Variants in ZNF775 observed in about 807,000 individuals in gnomAD.
ZNF775 encodes the protein zinc finger protein 775.
Under a neutral mutation model 2.4 loss-of-function variants are expected in ZNF775, and 1 was observed. The observed-to-expected ratio is 0.41, with a 90% confidence interval of 0.15 to 1.94. The LOEUF (loss-of-function observed/expected upper bound fraction) is 1.94, where lower values mean the gene tolerates loss of function less well. Among genes scored for constraint, ZNF775 ranks in the 30% most tolerant of loss-of-function variants. The pLI is 0.30. For missense variants in ZNF775, 823 were observed against 826.6 expected, an observed-to-expected ratio of 1.00 and a Z score of 0.05; for synonymous variants, 381 against 373.3, an observed-to-expected ratio of 1.02 and a Z score of -0.24.
At chr7:150,389,058 G>A (rs537216572) in intron 2 of ZNF775, among the ~76,000 whole-genome samples, 12 of 152,352 alleles carry the variant, frequency 7.9e-5, no homozygotes, top group Non-Finnish European at 1.2e-4. Flanking sequence ...GCGTCCCTGC[G>A]CCTGGAGTGG....
Position 150,397,480 on chromosome 7 carries a change from C to T in ZNF775, c.999C>T (p.Gly333=), listed in dbSNP as rs535894219. 1.8e-5 allele frequency: 28 copies of T among 1,589,002 alleles called. No homozygotes were observed. The East Asian group carries it at 3.8e-4, about 22-fold the overall frequency. ...NLTRHLRNHT[G]ERPHPCPHCG... is the part of the protein sequence containing the mutation. ...CGCGGCACCTGCGCAACCACACAGG[C>T]GAGCGCCCGCACCCCTGCCCGCACT... The change falls in exon 3 of 3, where the codon GGC becomes GGT. Residue 333 remains glycine, a synonymous_variant. Coordinates refer to ENST00000329630, the MANE Select transcript of ZNF775 (RefSeq NM_173680.4).
At position 150,397,581 on chromosome 7, in the gene ZNF775, C is replaced by A; in HGVS notation, c.1100C>A (p.Pro367His). Residue 367 changes from proline (P) to histidine (H), a missense_variant, in exon 3 of 3, where the codon CCC becomes CAC. Pro to His is a moderately conservative substitution (Grantham distance 77, BLOSUM62 -2). Coordinates refer to ENST00000329630, the MANE Select transcript of ZNF775 (RefSeq NM_173680.4). Reference protein sequence around the residue: ...RTHLPGAQAAPCPSCGKSCRS... With the variant: ...RTHLPGAQAAHCPSCGKSCRS... ...CACCTGCCCGGCGCCCAGGCTGCGC[C>A]CTGCCCCAGCTGCGGTAAGAGCTGC... 1 of 1,483,586 alleles carries A rather than the reference C, an allele frequency of 6.7e-7. No individual in the cohort carries two copies. The highest frequency in any genetic ancestry group is 2.4e-5 in the Admixed American group (1 of 42,372). 91.9% of individuals were successfully genotyped at this position (1,483,586 alleles called of 1,614,324 possible).
chr7:150,391,112 G>GT (rs1800551402), intron 2 of ZNF775, among the ~76,000 whole-genome samples: 1 of 152,180 alleles, frequency 6.6e-6, no homozygotes, highest in African/African-American at 2.4e-5. Context: ...GATACTAAGC[G>GT]TTTGTCTATT....
At chr7:150,386,780 C>A (rs1800461563) in intron 1 of ZNF775, among the ~76,000 whole-genome samples, 1 of 152,180 alleles carries the variant, frequency 6.6e-6, no homozygotes, top group Non-Finnish European at 1.5e-5. Flanking sequence ...GATGAGTCTT[C>A]AGGCTGCACA....
In ZNF775 at chr7:150,396,851, A is replaced by C. The variant is rs770056390; in HGVS notation, c.370A>C (p.Ile124Leu). Residue 124 changes from isoleucine to leucine, a missense_variant, in exon 3 of 3, where the codon ATC (isoleucine) becomes CTC (leucine). Ile to Leu is a conservative substitution (Grantham distance 5). Transcript: ENST00000329630. ...GTTCAGCTGGTGGTCGTCCCTGAAG[A>C]TCCACCAGCGCACCCACACCGGGGA... The part of the protein sequence containing the change: ...KRFSWWSSLK[I>L]HQRTHTGEKP... The C allele has an allele frequency of 6.2e-7, 1 of 1,603,018 alleles. No homozygotes were observed. The highest frequency in any genetic ancestry group is 8.5e-7 in the Non-Finnish European group (1 of 1,179,640).
chr7:150,397,924 C>T lies in ZNF775; in HGVS notation c.1443C>T (p.Arg481=), dbSNP rs1563261539. 6.2e-7 allele frequency: 1 copy of T among 1,601,932 alleles called. No homozygotes were observed. Among genetic ancestry groups the T allele is most frequent in the Non-Finnish European group, 8.5e-7 (1 of 1,178,726 alleles). ...CCTACCCGTGCCCCGAGTGCGGCCG[C>T]CGCTTCAGCCAGAAGCCCAACCTGA... is the stretch of plus-strand genomic sequence containing the variant. The part of the protein sequence containing the change: ...ERPYPCPECG[R]RFSQKPNLTR... Residue 481 remains arginine, a synonymous_variant, in exon 3 of 3, where the codon CGC becomes CGT. Coordinates refer to ENST00000329630, the MANE Select transcript of ZNF775 (RefSeq NM_173680.4).
Position 150,398,029 on chromosome 7 carries a change from C to G in ZNF775, c.1548C>G (p.His516Gln), listed in dbSNP as rs1440114938. The G allele has an allele frequency of 4.4e-6, 7 of 1,578,586 alleles. No individual in the cohort carries two copies. The highest frequency in any genetic ancestry group is 6.0e-6 in the Non-Finnish European group (7 of 1,167,824). Residue 516 changes from histidine to glutamine, a missense_variant, in exon 3 of 3, where the codon CAC (histidine) becomes CAG (glutamine). By Grantham distance (24) the His-to-Gln change is conservative. Coordinates refer to ENST00000329630, the MANE Select transcript of ZNF775 (RefSeq NM_173680.4). ...ACGRGFSQKQ[H>Q]LLKHQRVHRA... is the part of the protein sequence containing the mutation. The stretch of plus-strand genomic sequence containing the variant: ...GCCGCGGCTTCAGCCAGAAGCAGCA[C>G]CTGCTCAAGCACCAGCGCGTGCACC...
intron 1 of ZNF775, among the ~76,000 whole-genome samples, chr7:150,386,648 G>A (rs1290783448): frequency 1.3e-5 from 2 of 152,150 alleles, no homozygotes; most frequent in East Asian, 3.9e-4. Flanking sequence ...CCCTCCCTGA[G>A]GCAGCAGGAA....
At chr7:150,390,302 C>T (rs1301900001) in intron 2 of ZNF775, among the ~76,000 whole-genome samples, 1 of 152,138 alleles carries the variant, frequency 6.6e-6, no homozygotes, top group Non-Finnish European at 1.5e-5. Flanking sequence ...GGACTTAGCA[C>T]CTCGCCCAAC....
At chr7:150,393,035 T>C (rs1483716696) in intron 2 of ZNF775, among the ~76,000 whole-genome samples, 2 of 152,210 alleles carry the variant, frequency 1.3e-5, no homozygotes, top group Non-Finnish European at 2.9e-5. Flanking sequence ...TTTGGTCTTG[T>C]ACCTTACCTG....
rs1248787054 is a variant in ZNF775, at chr7:150,389,903, G to T, written c.31+1402G>T. Among the ~76,000 whole-genome samples the T allele has an allele frequency of 8.0e-3, 94 of 11,812 alleles. 3 individuals carry two copies. In the South Asian group the frequency reaches 0.1, roughly 13 times the overall value. 7.7% of individuals were successfully genotyped at this position (11,812 alleles called of 152,430 possible). On this transcript the variant is annotated intron_variant, in intron 2 of 2. Coordinates refer to ENST00000329630, the MANE Select transcript of ZNF775 (RefSeq NM_173680.4). ...TGTGTGTGTGTGTGTGTGTGTGTGT[G>T]TGTGTGTGTGTGTGTGTTATGGCAA... is the stretch of plus-strand genomic sequence containing the variant.
chr7:150,397,108 C>T lies in ZNF775; in HGVS notation c.627C>T (p.His209=), dbSNP rs1261433091. 9 of 1,548,832 alleles carry T rather than the reference C, an allele frequency of 5.8e-6. No individual in the cohort carries two copies. The highest frequency in any genetic ancestry group is 1.7e-4 in the Middle Eastern group (1 of 5,956). ...CFRHQVGLRI[H]QRAHARDRQG... The stretch of plus-strand genomic sequence containing the variant: ...GTCACCAGGTGGGCCTCCGCATCCA[C>T]CAGCGCGCGCACGCCCGGGACCGCC... The change falls in exon 3 of 3, where the codon CAC becomes CAT. Residue 209 remains histidine, a synonymous_variant. Transcript: ENST00000329630.
intron 2 of ZNF775, among the ~76,000 whole-genome samples, chr7:150,395,266 G>A (rs751049724): frequency 2.6e-5 from 4 of 151,906 alleles, no homozygotes; most frequent in Admixed American, 6.5e-5. Flanking sequence ...TCCTTTTTGC[G>A]GCTACATGTC....
At position 150,397,785 on chromosome 7, in the gene ZNF775, C is replaced by A. The variant is rs763322529; in HGVS notation, c.1304C>A (p.Ala435Glu). 1 of 1,546,434 alleles carries A rather than the reference C, an allele frequency of 6.5e-7. No individual in the cohort carries two copies. The highest frequency in any genetic ancestry group is 8.7e-7 in the Non-Finnish European group (1 of 1,151,232). ...ARDTLWGRGQAGLAGPGEPRQ... is the reference protein window; with the variant it reads ...ARDTLWGRGQEGLAGPGEPRQ... The stretch of plus-strand genomic sequence containing the variant: ...GACACGCTGTGGGGCCGGGGACAAG[C>A]GGGCCTCGCTGGGCCTGGCGAGCCG... The change falls in exon 3 of 3, where the codon GCG (alanine) becomes GAG (glutamate). Residue 435 changes from alanine (A) to glutamate (E), a missense_variant. Transcript: ENST00000329630.
At chr7:150,391,345 TA>T (rs1800555547) in intron 2 of ZNF775, among the ~76,000 whole-genome samples, 1 of 152,024 alleles carries the variant, frequency 6.6e-6, no homozygotes, top group Non-Finnish European at 1.5e-5. Context: ...CCATCTCTAC[TA>T]AAAATACAAA....
rs1800421196 is a variant in ZNF775, at chr7:150,384,719, A to G, written c.-49-3703A>G. Among the ~76,000 whole-genome samples the G allele has an allele frequency of 6.6e-6, 1 of 152,012 alleles. No homozygotes were observed. Among genetic ancestry groups the G allele is most frequent in the Non-Finnish European group, 1.5e-5 (1 of 67,998 alleles). ...CTGTCTCCATTTCTGTTCTTACGTA[A>G]GCCACAGGCTGCTTCCCCTCGAGCC... On this transcript the variant is annotated intron_variant, in intron 1 of 2. Coordinates refer to ENST00000329630, the MANE Select transcript of ZNF775 (RefSeq NM_173680.4). This position sits in a 1 kb window ranked among gnomAD's most constrained non-coding sequence, Gnocchi z 4.1.
intron 1 of ZNF775, among the ~76,000 whole-genome samples, chr7:150,383,106 CT>C (rs1800390931): frequency 6.6e-6 from 1 of 152,138 alleles, no homozygotes; most frequent in Non-Finnish European, 1.5e-5. Context: ...TGTCTTTGAA[CT>C]TTTGTTTACT....
At chr7:150,386,551 G>A (rs1409819351) in intron 1 of ZNF775, among the ~76,000 whole-genome samples, 1 of 152,130 alleles carries the variant, frequency 6.6e-6, no homozygotes, top group Admixed American at 6.5e-5. Context: ...GTCTCTGCGA[G>A]GCTCTCGGGC....
At chr7:150,389,906 TGTGTGTGTGTGTG>T (rs1800530377) in intron 2 of ZNF775, among the ~76,000 whole-genome samples, 5 of 21,830 alleles carry the variant, frequency 2.3e-4, no homozygotes, top group African/African-American at 7.0e-4. Flanking sequence ...TGTGTGTGTG[TGTGTGTGTGTGTG>T]TTATGGCAAA....
Sources: allele counts gnomAD v4.1 joint callset (sites outside exome capture counted in the v4.1 genomes callset), GRCh38; gene constraint gnomAD v4.1.1; non-coding constraint Gnocchi (gnomAD v3.1); transcripts MANE v1.5; gene names NCBI Gene and HGNC (gene_info 2026-07-23, HGNC 2026-07-21).